SHROOM3: variants seen among roughly 807,000 people sequenced by gnomAD.
SHROOM3 encodes the protein protein Shroom3.
In SHROOM3, 47 loss-of-function variants were observed where a neutral mutation model predicts 138.6. That is an observed-to-expected ratio of 0.34 (90% CI 0.27 to 0.43). SHROOM3 has a LOEUF of 0.43. Ranked by LOEUF, SHROOM3 falls within the 20% of genes least tolerant of loss-of-function variation. SHROOM3 has a pLI of 1.00. For missense variants in SHROOM3, 2,491 were observed against 2,596.5 expected (o/e 0.96, Z 0.88); for synonymous variants, 1,062 against 1,063.3 (o/e 1.00, Z 0.02).
At chr4:76,772,220 C>T (rs776276300) in intron 10 of SHROOM3, among the ~76,000 whole-genome samples, 8 of 151,502 alleles carry the variant, frequency 5.3e-5, no homozygotes, top group East Asian at 2.0e-4. Flanking sequence ...TCTCATGCCT[C>T]GGCCTCCCAA....
At chr4:76,676,604 T>C (rs1577967848) in intron 2 of SHROOM3, among the ~76,000 whole-genome samples, 1 of 152,074 alleles carries the variant, frequency 6.6e-6, no homozygotes, top group South Asian at 2.1e-4. Flanking sequence ...AGAATTTCCA[T>C]AGCAGAGATT....
chr4:76,514,932 A>C (rs564786301), intron 1 of SHROOM3, among the ~76,000 whole-genome samples: 1 of 152,092 alleles, frequency 6.6e-6, no homozygotes, highest in Non-Finnish European at 1.5e-5. Flanking sequence ...TTGTTAAAAA[A>C]GTTCAGATGT....
At chr4:76,573,918 C>T in intron 2 of SHROOM3, among the ~76,000 whole-genome samples, 1 of 152,222 alleles carries the variant, frequency 6.6e-6, no homozygotes, top group Non-Finnish European at 1.5e-5. Context: ...ATTCTTCCTT[C>T]TGTCTGGACC....
intron 3 of SHROOM3, among the ~76,000 whole-genome samples, chr4:76,727,885 C>A (rs1411282272): frequency 5.9e-5 from 2 of 34,008 alleles, no homozygotes; most frequent in Non-Finnish European, 9.4e-5. Flanking sequence ...AAGACTCCAT[C>A]TCAAAAAAAA....
chr4:76,457,533 C>A (rs1579166376), intron 1 of SHROOM3, among the ~76,000 whole-genome samples: 2 of 151,008 alleles, frequency 1.3e-5, no homozygotes, highest in South Asian at 4.2e-4. Context: ...CGCTCTGTCT[C>A]CAGGCTGGAG....
intron 1 of SHROOM3, among the ~76,000 whole-genome samples, chr4:76,451,861 C>T (rs531526312): frequency 1.4e-4 from 21 of 152,188 alleles, no homozygotes; most frequent in Non-Finnish European, 2.8e-4. Flanking sequence ...AACAGAGTCT[C>T]ACTATGTTGC....
chr4:76,676,815 C>G (rs540502547), intron 2 of SHROOM3, among the ~76,000 whole-genome samples: 1 of 151,870 alleles, frequency 6.6e-6, no homozygotes, highest in Non-Finnish European at 1.5e-5. Flanking sequence ...TGATGGCCGG[C>G]GCCTGTAGTC....
chr4:76,736,091 C>T (rs543484945), intron 4 of SHROOM3, among the ~76,000 whole-genome samples: 33 of 150,068 alleles, frequency 2.2e-4, no homozygotes, highest in Middle Eastern at 3.4e-3. Flanking sequence ...GTGAATGAAA[C>T]GGCCCTTATG....
intron 2 of SHROOM3, among the ~76,000 whole-genome samples, chr4:76,687,480 G>A (rs1008207030): frequency 6.6e-5 from 10 of 152,080 alleles, no homozygotes; most frequent in Non-Finnish European, 8.8e-5. Flanking sequence ...TCATTCTTTC[G>A]TCTTGTGGAG....
chr4:76,444,485 T>C (rs1366022215), intron 1 of SHROOM3, among the ~76,000 whole-genome samples: 1 of 10,938 alleles, frequency 9.1e-5, no homozygotes, highest in Non-Finnish European at 2.1e-4. Flanking sequence ...TCTTTCTTTC[T>C]TTTTTTTTTT....
At chr4:76,497,554 G>GT (rs1449286939) in intron 1 of SHROOM3, among the ~76,000 whole-genome samples, 1 of 152,128 alleles carries the variant, frequency 6.6e-6, no homozygotes, top group Non-Finnish European at 1.5e-5. Flanking sequence ...TGCCTGACAT[G>GT]TTTTTTAAAA....
At chr4:76,763,359 A>C (rs6848654) in intron 9 of SHROOM3, among the ~76,000 whole-genome samples, 35,577 of 151,506 alleles carry the variant, frequency 0.23, 4,670 homozygotes, top group African/African-American at 0.35. Flanking sequence ...TGCACTCCAG[A>C]CTGGGCGACA....
chr4:76,761,008 T>A (rs1357777361), intron 9 of SHROOM3, among the ~76,000 whole-genome samples: 1 of 152,220 alleles, frequency 6.6e-6, no homozygotes, highest in Non-Finnish European at 1.5e-5. Flanking sequence ...TTGCTTTTCC[T>A]CCCTATCTTA....
intron 2 of SHROOM3, among the ~76,000 whole-genome samples, chr4:76,700,413 C>A (rs1306185563): frequency 6.6e-6 from 1 of 152,182 alleles, no homozygotes; most frequent in Non-Finnish European, 1.5e-5. Flanking sequence ...TGCTTGGATA[C>A]CTGCCCTCCC....
At chr4:76,766,788 A>C (rs957808519) in intron 9 of SHROOM3, among the ~76,000 whole-genome samples, 2 of 152,206 alleles carry the variant, frequency 1.3e-5, no homozygotes, top group African/African-American at 2.4e-5. Context: ...TAGGGCTTTT[A>C]AAAAATTCAA....
chr4:76,483,541 T>TGTTG (rs1731663150), intron 1 of SHROOM3, among the ~76,000 whole-genome samples: 1 of 152,242 alleles, frequency 6.6e-6, no homozygotes, highest in Admixed American at 6.5e-5. Context: ...ATTTTTACAC[T>TGTTG]GTTGGTGGGA....
At chr4:76,613,785 C>G (rs761742664) in intron 2 of SHROOM3, among the ~76,000 whole-genome samples, 22 of 152,148 alleles carry the variant, frequency 1.4e-4, no homozygotes, top group Non-Finnish European at 2.6e-4. Context: ...GGCCATGCTG[C>G]ATGCTCAACT....
At chr4:76,550,980 CAG>C (rs774491578) in intron 1 of SHROOM3, among the ~76,000 whole-genome samples, 2 of 150,892 alleles carry the variant, frequency 1.3e-5, no homozygotes, top group Non-Finnish European at 2.9e-5. Context: ...GCTTGAGCAG[CAG>C]AGAGAGAACC....
intron 2 of SHROOM3, among the ~76,000 whole-genome samples, chr4:76,644,772 T>C (rs956927670): frequency 1.3e-5 from 2 of 152,288 alleles, no homozygotes; most frequent in African/African-American, 4.8e-5. Flanking sequence ...GGATTCACGT[T>C]CTTTTGCAAT....
Sources: gnomAD v4.1 joint callset for allele counts (sites outside exome capture counted in the v4.1 genomes callset) on GRCh38, gnomAD v4.1.1 for gene constraint, MANE v1.5 for transcripts, NCBI Gene and HGNC (gene_info 2026-07-23, HGNC 2026-07-21) for gene names.